Variants in KIF13A observed in about 807,000 individuals in gnomAD.
The protein encoded by KIF13A is kinesin family member 13A, also known as kinesin-like protein KIF13A.
In KIF13A, 79 loss-of-function variants were observed where a neutral mutation model predicts 212.2. That is an observed-to-expected ratio of 0.37 (90% CI 0.31 to 0.45). The LOEUF (loss-of-function observed/expected upper bound fraction) is 0.45, where lower values mean the gene tolerates loss of function less well. KIF13A is among the 20% of genes least tolerant of loss of function. The pLI is 1.00. For missense variants in KIF13A, 1,901 were observed against 2,209.0 expected (o/e 0.86, Z 2.79); for synonymous variants, 789 against 808.6 (o/e 0.98, Z 0.41).
chr6:17,819,301 C>T (rs111229626), intron 16 of KIF13A, among the ~76,000 whole-genome samples: 8,571 of 152,124 alleles, frequency 0.056, 322 homozygotes, highest in Middle Eastern at 0.078. Flanking sequence ...TGGTGGCTCA[C>T]GCCTGTAATC....
intron 2 of KIF13A, among the ~76,000 whole-genome samples, chr6:17,976,517 C>T (rs1258233993): frequency 6.6e-6 from 1 of 152,206 alleles, no homozygotes; most frequent in Non-Finnish European, 1.5e-5. Context: ...ACCCAGAACT[C>T]CAGCTGGCCC....
chr6:17,947,195 A>C lies in KIF13A; in HGVS notation c.146+39859T>G, dbSNP rs957639585. Among the ~76,000 whole-genome samples, 1 of 152,326 alleles carries C rather than the reference A, an allele frequency of 6.6e-6. No individual in the cohort carries two copies. Among genetic ancestry groups the C allele is most frequent in the African/African-American group, 2.4e-5 (1 of 41,590 alleles). On this transcript the variant is annotated intron_variant, in intron 2 of 38. Coordinates refer to ENST00000259711, the MANE Select transcript of KIF13A (RefSeq NM_022113.6). The surrounding 1 kb of genome is among the most constrained non-coding windows in gnomAD (Gnocchi z 4.6). The stretch of plus-strand genomic sequence containing the variant: ...AGGATAGTCATTTCCTTTCACAGGT[A>C]CAATGGGAAGGAGTGGAAATGGGAA...
chr6:17,871,045 A>G lies in KIF13A; in HGVS notation c.220+2332T>C, dbSNP rs1769954094. Among the ~76,000 whole-genome samples, 1 of 152,232 alleles carries G rather than the reference A, an allele frequency of 6.6e-6. No individual in the cohort carries two copies. Among genetic ancestry groups the G allele is most frequent in the Non-Finnish European group, 1.5e-5 (1 of 68,034 alleles). On this transcript the variant is annotated intron_variant, in intron 4 of 38. Transcript: ENST00000259711. The surrounding 1 kb of genome is among the most constrained non-coding windows in gnomAD (Gnocchi z 4.4). Reference sequence around the variant, plus strand: ...GTCCTGAAATTCAAACACAGGTCTCACGTCAAAATCCATGTGCTCTCCTTG... The same window carrying G: ...GTCCTGAAATTCAAACACAGGTCTCGCGTCAAAATCCATGTGCTCTCCTTG...
intron 18 of KIF13A, 140 bp from the exon 19 acceptor site, chr6:17,805,755 G>A (rs1328740414): frequency 2.1e-5 from 15 of 728,686 alleles, no homozygotes; most frequent in South Asian, 8.3e-5. Context: ...TACCACCTAC[G>A]AGGATAGTCT....
Position 17,987,024 on chromosome 6 carries a change from T to C in KIF13A, c.146+30A>G. ...TGCGGGACCCCGCGAGGCTGGATCCTCCCAGCCGCCCTCTCGGAACCCGCT... is the reference window on the plus strand; with the variant it reads ...TGCGGGACCCCGCGAGGCTGGATCCCCCCAGCCGCCCTCTCGGAACCCGCT... On this transcript the variant is annotated intron_variant, in intron 2 of 38. Coordinates refer to ENST00000259711, the MANE Select transcript of KIF13A (RefSeq NM_022113.6). The surrounding 1 kb of genome is among the most constrained non-coding windows in gnomAD (Gnocchi z 7.7). 6.4e-7 allele frequency: 1 copy of C among 1,555,938 alleles called. No homozygotes were observed. Among genetic ancestry groups the C allele is most frequent in the Non-Finnish European group, 8.9e-7 (1 of 1,127,452 alleles).
rs1766119554 is a variant in KIF13A at position 17,837,871 on chromosome 6, G to GGCGT, written c.831-289_831-288insACGC. 3.3e-5 allele frequency among the ~76,000 whole-genome samples: 5 copies of GGCGT among 151,904 alleles called. No homozygotes were observed. The South Asian group carries it at 1.0e-3, about 32-fold the overall frequency. On this transcript the variant is annotated intron_variant, in intron 9 of 38. Transcript: ENST00000259711. The surrounding 1 kb of genome is among the most constrained non-coding windows in gnomAD (Gnocchi z 5.4). ...GGGAGGCTGAAGCAGGAGAATCTCT[G>GGCGT]GAACCCGGGAGTTAGAGGTTGCAGT...
At chr6:17,781,679 G>C (rs1760598429) in intron 29 of KIF13A, among the ~76,000 whole-genome samples, 1 of 142,818 alleles carries the variant, frequency 7.0e-6, no homozygotes, top group African/African-American at 2.6e-5. Context: ...TGATGCTTGA[G>C]TGCACGGCCT....
At chr6:17,863,373 T>C (rs994937259) in intron 4 of KIF13A, among the ~76,000 whole-genome samples, 1 of 125,250 alleles carries the variant, frequency 8.0e-6, no homozygotes, top group Admixed American at 7.5e-5. Context: ...AAATACTTTC[T>C]TTTTTTTTTT....
In KIF13A at chr6:17,777,416, C is replaced by T; in HGVS notation, c.4093-62G>A. On this transcript the variant is annotated intron_variant, in intron 33 of 38. Transcript: ENST00000259711. The surrounding 1 kb of genome is among the most constrained non-coding windows in gnomAD (Gnocchi z 4.4). ...TTTTTTCCCCAGAGACAGAGTCTCA[C>T]TCTGTTGCCCAGGCTGGAGTGTAGT... The T allele has an allele frequency of 7.4e-7, 1 of 1,354,490 alleles. No homozygotes were observed. Among genetic ancestry groups the T allele is most frequent in the Non-Finnish European group, 1.0e-6 (1 of 968,204 alleles). 83.9% of individuals were successfully genotyped at this position (1,354,490 alleles called of 1,614,324 possible).
At chr6:17,956,667 G>C (rs548781727) in intron 2 of KIF13A, among the ~76,000 whole-genome samples, 195 of 152,220 alleles carry the variant, frequency 1.3e-3, no homozygotes, top group Non-Finnish European at 1.7e-3. Context: ...TAGGTCTCAG[G>C]AGGAGGCCTC....
chr6:17,855,267 C>A lies in KIF13A; in HGVS notation c.494+170G>T, dbSNP rs1768037010. On this transcript the variant is annotated intron_variant, in intron 6 of 38. Coordinates refer to ENST00000259711, the MANE Select transcript of KIF13A (RefSeq NM_022113.6). This position sits in a 1 kb window ranked among gnomAD's most constrained non-coding sequence, Gnocchi z 4.1. ...ACTTTATACATTAATGTAGGATAAACACTGGGTATACCAAAAGGCTTTGAG... is the reference window on the plus strand; with the variant it reads ...ACTTTATACATTAATGTAGGATAAAAACTGGGTATACCAAAAGGCTTTGAG... Among the ~76,000 whole-genome samples, 1 of 152,166 alleles carries A rather than the reference C, an allele frequency of 6.6e-6. No individual in the cohort carries two copies. The highest frequency in any genetic ancestry group is 2.1e-4 in the South Asian group (1 of 4,828).
chr6:17,825,018 T>A lies in KIF13A; in HGVS notation c.1786+750A>T, dbSNP rs1475977258. ...AGTCCCAGAAATGTCATCTTGTGGT[T>A]GGTAACAGGTGAACATTGCTTCTGG... On this transcript the variant is annotated intron_variant, in intron 16 of 38. Transcript: ENST00000259711. This position sits in a 1 kb window ranked among gnomAD's most constrained non-coding sequence, Gnocchi z 4.5. Among the ~76,000 whole-genome samples the A allele has an allele frequency of 6.6e-6, 1 of 152,168 alleles. No individual in the cohort carries two copies. The highest frequency in any genetic ancestry group is 1.5e-5 in the Non-Finnish European group (1 of 68,024).
At chr6:17,920,762 T>G (rs1205938957) in intron 2 of KIF13A, among the ~76,000 whole-genome samples, 1 of 150,936 alleles carries the variant, frequency 6.6e-6, no homozygotes. Flanking sequence ...TAATCCCAGC[T>G]ACCCAGGAGG....
Position 17,849,617 on chromosome 6 carries a change from A to T in KIF13A, c.718-128T>A. The T allele has an allele frequency of 5.1e-6, 3 of 583,856 alleles. No individual in the cohort carries two copies. The highest frequency in any genetic ancestry group is 6.0e-6 in the Non-Finnish European group (2 of 336,030). 36.2% of individuals were successfully genotyped at this position (583,856 alleles called of 1,614,324 possible). A position where few individuals can be genotyped will look rare whatever the true frequency, so the allele number is the denominator to read the frequency against. ...CATATGGCAAATTTCTTAAGTTTTT[A>T]AACGGTCAGAAGAGTTATTTGAACC... On this transcript the variant is annotated intron_variant, in intron 8 of 38. Transcript: ENST00000259711. This position sits in a 1 kb window ranked among gnomAD's most constrained non-coding sequence, Gnocchi z 5.7.
Position 17,819,716 on chromosome 6 carries a change from C to A in KIF13A, c.1787-2483G>T, listed in dbSNP as rs183551481. On this transcript the variant is annotated intron_variant, in intron 16 of 38. Transcript: ENST00000259711. ...AAGCATCAGAACTTCTGACAAACTC[C>A]TATAACTTCTAAAAAAATATGAGAA... Among the ~76,000 whole-genome samples, 14 of 152,218 alleles carry A rather than the reference C, an allele frequency of 9.2e-5. No individual in the cohort carries two copies. The East Asian group carries it at 2.7e-3, about 29-fold the overall frequency.
chr6:17,870,836 T>C (rs1467675197), intron 4 of KIF13A, among the ~76,000 whole-genome samples: 2 of 152,190 alleles, frequency 1.3e-5, no homozygotes, highest in African/African-American at 4.8e-5. Flanking sequence ...TGTATCTTCC[T>C]TTACGGAAAA....
Position 17,764,903 on chromosome 6 carries a change from T to G in KIF13A, c.4625A>C (p.Lys1542Thr), listed in dbSNP as rs1044961267. The change falls in exon 39 of 39, where the codon AAG becomes ACG. Residue 1542 changes from lysine to threonine, a missense_variant. By Grantham distance (78) the Lys-to-Thr change is moderately conservative (BLOSUM62 -1). Transcript: ENST00000259711. The surrounding 1 kb of genome is among the most constrained non-coding windows in gnomAD (Gnocchi z 5.1). ...TACATAAGGCTGTGAACTTATTAGC[T>G]TCCTGTTAATAGCTTCCAGCTCATT... ...EENELEAINR[K>T]LISSQPYVPV... The G allele has an allele frequency of 5.0e-6, 8 of 1,613,378 alleles. No individual in the cohort carries two copies. The highest frequency in any genetic ancestry group is 2.7e-5 in the African/African-American group (2 of 74,942).
At position 17,968,801 on chromosome 6, in the gene KIF13A, G is replaced by A. The variant is rs1027958427; in HGVS notation, c.146+18253C>T. On this transcript the variant is annotated intron_variant, in intron 2 of 38. Transcript: ENST00000259711. The surrounding 1 kb of genome is among the most constrained non-coding windows in gnomAD (Gnocchi z 4.7). ...CCCAAAAGCCACATGACAGCACAAA[G>A]GCTATCATTATGTAACAATTTAATG... Among the ~76,000 whole-genome samples the A allele has an allele frequency of 2.0e-5, 3 of 152,134 alleles. No individual in the cohort carries two copies. The highest frequency in any genetic ancestry group is 2.9e-5 in the Non-Finnish European group (2 of 68,028).
chr6:17,985,823 T>A (rs1158086905), intron 2 of KIF13A, among the ~76,000 whole-genome samples: 1 of 152,168 alleles, frequency 6.6e-6, no homozygotes, highest in Admixed American at 6.5e-5. Context: ...AAACACTACA[T>A]TCAGTGTTAA....
Sources: allele counts gnomAD v4.1 joint callset (sites outside exome capture counted in the v4.1 genomes callset), GRCh38; gene constraint gnomAD v4.1.1; non-coding constraint Gnocchi (gnomAD v3.1); transcripts MANE v1.5; gene names NCBI Gene and HGNC (gene_info 2026-07-23, HGNC 2026-07-21).